CSMD1: variants seen among roughly 807,000 people sequenced by gnomAD.
CSMD1 encodes the protein CUB and sushi domain-containing protein 1.
A neutral mutation model predicts 417.5 loss-of-function variants in CSMD1; 213 were observed. The observed-to-expected ratio is 0.51, with a 90% CI of 0.46 to 0.57. The LOEUF (loss-of-function observed/expected upper bound fraction) is 0.57, where lower values mean the gene tolerates loss of function less well. CSMD1 is among the 20% of genes least tolerant of loss of function. CSMD1 has a pLI of 0.00. For missense variants in CSMD1, 6,923 were observed against 4,529.7 expected (o/e 1.53, Z -15.17); for synonymous variants, 2,862 against 1,736.8 (o/e 1.65, Z -16.11).
intron 1 of CSMD1, among the ~76,000 whole-genome samples, chr8:4,964,501 CCAAAAAAAAA>C (rs1215647510): frequency 1.2e-5 from 1 of 81,044 alleles, no homozygotes; most frequent in African/African-American, 5.5e-5. Flanking sequence ...GACCCTGTCT[CCAAAAAAAAA>C]AAAAAAAAAA....
At position 4,299,928 on chromosome 8, in the gene CSMD1, C is replaced by G. The variant is rs138937042; in HGVS notation, c.415+120025G>C. Among the ~76,000 whole-genome samples the G allele has an allele frequency of 1.0e-3, 152 of 152,200 alleles. 1 individual carries two copies. The East Asian group carries it at 0.025, about 25-fold the overall frequency. On this transcript the variant is annotated intron_variant, in intron 3 of 69. Coordinates refer to ENST00000635120, the MANE Select transcript of CSMD1 (RefSeq NM_033225.6). Reference sequence around the variant, plus strand: ...ACAGGTATAAGCCACTGCGCCCGGCCCAGACACTATTTTTCAAGTTATAAA... The same window carrying G: ...ACAGGTATAAGCCACTGCGCCCGGCGCAGACACTATTTTTCAAGTTATAAA...
At chr8:4,145,704 T>C (rs1300704108) in intron 3 of CSMD1, among the ~76,000 whole-genome samples, 1 of 151,036 alleles carries the variant, frequency 6.6e-6, no homozygotes, top group Non-Finnish European at 1.5e-5. Flanking sequence ...CCGCATTTCT[T>C]AATGAAGAAC....
chr8:2,969,170 G>A (rs952701206), intron 57 of CSMD1, among the ~76,000 whole-genome samples: 7 of 152,056 alleles, frequency 4.6e-5, no homozygotes, highest in East Asian at 1.9e-4. Flanking sequence ...AATTACCCAC[G>A]CTATATGTAA....
chr8:3,585,303 C>G (rs1411902625), intron 9 of CSMD1, among the ~76,000 whole-genome samples: 1 of 152,126 alleles, frequency 6.6e-6, no homozygotes, highest in Non-Finnish European at 1.5e-5. Flanking sequence ...ATGTATAAGT[C>G]CATTCACGTG....
At chr8:4,928,339 G>T (rs567690558) in intron 1 of CSMD1, among the ~76,000 whole-genome samples, 5 of 152,202 alleles carry the variant, frequency 3.3e-5, no homozygotes, top group African/African-American at 1.2e-4. Flanking sequence ...CCACCATCCG[G>T]TATCACTGTC....
At chr8:3,076,531 G>A (rs1382387358) in intron 49 of CSMD1, among the ~76,000 whole-genome samples, 1 of 152,184 alleles carries the variant, frequency 6.6e-6, no homozygotes, top group East Asian at 1.9e-4. Context: ...TGGTGCCACT[G>A]CCCAGTCACA....
intron 3 of CSMD1, among the ~76,000 whole-genome samples, chr8:4,238,521 G>T (rs1200867993): frequency 6.6e-6 from 1 of 152,160 alleles, no homozygotes; most frequent in East Asian, 1.9e-4. Flanking sequence ...CAGGCCCCAT[G>T]GTCAGACAGG....
rs368813221 is a variant in CSMD1 at position 2,974,583 on chromosome 8, G to C, written c.8608C>G (p.Leu2870Val). The C allele has an allele frequency of 3.9e-5, 63 of 1,611,704 alleles. No individual in the cohort carries two copies. Among genetic ancestry groups the C allele is most frequent in the Non-Finnish European group, 5.3e-5 (62 of 1,178,934 alleles). ...CCATAGGTAAACAGCTCTCCAGTGA[G>C]GACGGCGTTGGCAGGGACCCCTGGG... ...GHPGVPANAVLTGELFTYGAV... is the reference protein window; with the variant it reads ...GHPGVPANAVVTGELFTYGAV... Residue 2870 changes from leucine to valine, a missense_variant, in exon 56 of 70, where the codon CTC becomes GTC. By Grantham distance (32) the Leu-to-Val change is conservative. Coordinates refer to ENST00000635120, the MANE Select transcript of CSMD1 (RefSeq NM_033225.6).
chr8:3,114,420 G>A (rs1382635771), intron 42 of CSMD1, among the ~76,000 whole-genome samples: 1 of 149,788 alleles, frequency 6.7e-6, no homozygotes. Context: ...GCATAAATAT[G>A]AATATAAAAA....
intron 37 of CSMD1, among the ~76,000 whole-genome samples, chr8:3,173,565 T>C (rs1191449630): frequency 2.6e-5 from 4 of 152,200 alleles, no homozygotes. Flanking sequence ...AATGTAGAAA[T>C]AAATGCAGTA....
intron 8 of CSMD1, among the ~76,000 whole-genome samples, chr8:3,608,524 G>C (rs1241065008): frequency 6.6e-6 from 1 of 152,100 alleles, no homozygotes; most frequent in African/African-American, 2.4e-5. Flanking sequence ...AGCACTTAGG[G>C]AGGCCAAGGT....
chr8:2,996,664 G>C (rs1325775403), intron 54 of CSMD1, among the ~76,000 whole-genome samples: 2 of 152,200 alleles, frequency 1.3e-5, no homozygotes, highest in Non-Finnish European at 2.9e-5. Context: ...TCAGTCATAA[G>C]AGTTCAACTG....
At chr8:3,925,067 T>C (rs938504018) in intron 5 of CSMD1, among the ~76,000 whole-genome samples, 1 of 152,208 alleles carries the variant, frequency 6.6e-6, no homozygotes, top group Non-Finnish European at 1.5e-5. Flanking sequence ...ATCTGTTCTA[T>C]GGCTATGCCT....
chr8:3,932,222 G>A (rs1179031210), intron 5 of CSMD1, among the ~76,000 whole-genome samples: 1 of 150,400 alleles, frequency 6.6e-6, no homozygotes, highest in African/African-American at 2.5e-5. Flanking sequence ...TCATGTTACT[G>A]AAAAGGGTCA....
chr8:4,797,937 G>A (rs1030952188), intron 1 of CSMD1, among the ~76,000 whole-genome samples: 2 of 152,128 alleles, frequency 1.3e-5, no homozygotes, highest in Non-Finnish European at 2.9e-5. Flanking sequence ...CATAAATGAA[G>A]ACATACATAT....
chr8:4,974,602 A>T (rs1053889712), intron 1 of CSMD1, among the ~76,000 whole-genome samples: 1 of 152,186 alleles, frequency 6.6e-6, no homozygotes, highest in African/African-American at 2.4e-5. Flanking sequence ...AAACATCAAC[A>T]TATATATTTT....
At chr8:4,307,197 T>A (rs1389340727) in intron 3 of CSMD1, among the ~76,000 whole-genome samples, 1 of 152,170 alleles carries the variant, frequency 6.6e-6, no homozygotes, top group South Asian at 2.1e-4. Flanking sequence ...ATCAACCCCC[T>A]TCTACGGCTC....
intron 2 of CSMD1, among the ~76,000 whole-genome samples, chr8:4,601,378 C>A (rs192324509): frequency 6.6e-6 from 1 of 152,194 alleles, no homozygotes; most frequent in African/African-American, 2.4e-5. Flanking sequence ...TGTCTGTTAT[C>A]ATGGCATTTG....
chr8:3,674,587 ATATAT>A (rs59233808), intron 7 of CSMD1, among the ~76,000 whole-genome samples: 21,003 of 152,074 alleles, frequency 0.14, 1,605 homozygotes, highest in South Asian at 0.21. Flanking sequence ...CTACTGCAAA[ATATAT>A]TATAACTCCA....
Sources: gnomAD v4.1 joint callset for allele counts (sites outside exome capture counted in the v4.1 genomes callset) on GRCh38, gnomAD v4.1.1 for gene constraint, MANE v1.5 for transcripts, NCBI Gene and HGNC (gene_info 2026-07-23, HGNC 2026-07-21) for gene names.